Variants in PDE1C observed in about 807,000 individuals in gnomAD.
PDE1C encodes dual specificity calcium/calmodulin-dependent 3',5'-cyclic nucleotide phosphodiesterase 1C.
In PDE1C, 62 loss-of-function variants were observed where a neutral mutation model predicts 93.1. The observed-to-expected ratio is 0.67, with a 90% CI of 0.54 to 0.82. The LOEUF is 0.82. Among genes scored for constraint, PDE1C ranks in the 40% least tolerant of loss-of-function variants. The pLI, the probability that PDE1C is intolerant of heterozygous loss-of-function variation, is 0.00. For missense variants in PDE1C, 742 were observed against 884.6 expected (o/e 0.84, Z 2.04); for synonymous variants, 325 against 310.1 (o/e 1.05, Z -0.50).
chr7:32,377,846 G>A (rs576355391), intron 1 of PDE1C, among the ~76,000 whole-genome samples: 21 of 152,034 alleles, frequency 1.4e-4, no homozygotes, highest in Non-Finnish European at 7.4e-5. Flanking sequence ...CAAACCAAGC[G>A]GCCCCAGAGG....
chr7:32,356,475 A>T (rs987548646), intron 1 of PDE1C, among the ~76,000 whole-genome samples: 5 of 152,230 alleles, frequency 3.3e-5, no homozygotes, highest in Non-Finnish European at 5.9e-5. Flanking sequence ...CCCTGAGTGA[A>T]TTATAGTTGT....
intron 2 of PDE1C, among the ~76,000 whole-genome samples, chr7:32,188,345 A>G (rs1338116354): frequency 6.6e-6 from 1 of 152,008 alleles, no homozygotes; most frequent in East Asian, 1.9e-4. Context: ...TTCTTTTCCA[A>G]CTTTTCTCTC....
the PDE1C span, among the ~76,000 whole-genome samples, chr7:31,624,186 G>C: frequency 1.3e-5 from 2 of 149,124 alleles, no homozygotes; most frequent in Middle Eastern, 3.4e-3. Context: ...CGTGAAAATG[G>C]CCATACTGCC....
intron 16 of PDE1C, among the ~76,000 whole-genome samples, chr7:31,807,453 T>G (rs1562835069): frequency 6.6e-6 from 1 of 151,732 alleles, no homozygotes; most frequent in Non-Finnish European, 1.5e-5. Flanking sequence ...TGGGTATGAT[T>G]CAGTTACAAA....
chr7:31,665,604 G>A, the PDE1C span, among the ~76,000 whole-genome samples: 1 of 152,142 alleles, frequency 6.6e-6, no homozygotes, highest in Non-Finnish European at 1.5e-5. Flanking sequence ...TTTTTAGTTT[G>A]GGGAGGAAAA....
intron 1 of PDE1C, among the ~76,000 whole-genome samples, chr7:32,426,596 A>C (rs949602956): frequency 6.6e-5 from 10 of 152,164 alleles, no homozygotes; most frequent in African/African-American, 2.4e-4. Flanking sequence ...AGAAAATGTA[A>C]GTAGCCCACC....
chr7:31,683,539 C>T, the PDE1C span, among the ~76,000 whole-genome samples: 4 of 152,052 alleles, frequency 2.6e-5, no homozygotes, highest in African/African-American at 9.7e-5. Context: ...AGACACAGTG[C>T]TCACTTACCA....
chr7:31,667,380 A>T, the PDE1C span, among the ~76,000 whole-genome samples: 1 of 152,140 alleles, frequency 6.6e-6, no homozygotes, highest in Admixed American at 6.5e-5. Context: ...ATTTCAAGGA[A>T]CTTCTCCTAA....
chr7:31,773,733 C>T (rs1241741816), intron 17 of PDE1C, among the ~76,000 whole-genome samples: 2 of 152,094 alleles, frequency 1.3e-5, no homozygotes, highest in Non-Finnish European at 2.9e-5. Context: ...CTCACTCACG[C>T]ACCACGTACC....
intron 2 of PDE1C, among the ~76,000 whole-genome samples, chr7:31,995,736 G>C (rs1444273817): frequency 6.6e-6 from 1 of 152,120 alleles, no homozygotes. Flanking sequence ...ATGCTGCTGA[G>C]AGCTGACGGG....
chr7:32,378,481 AGAG>A (rs1351893973), intron 1 of PDE1C, among the ~76,000 whole-genome samples: 1 of 152,334 alleles, frequency 6.6e-6, no homozygotes, highest in East Asian at 1.9e-4. Context: ...CACCAGGCTA[AGAG>A]GAGAAGAGGA....
At chr7:32,166,497 A>G (rs1802282808) in intron 3 of PDE1C, among the ~76,000 whole-genome samples, 1 of 152,170 alleles carries the variant, frequency 6.6e-6, no homozygotes, top group South Asian at 2.1e-4. Flanking sequence ...TCCAATACAT[A>G]GAGTATGCCT....
intron 16 of PDE1C, chr7:31,789,651 A>G (rs1237184594): frequency 1.0e-6 from 1 of 977,726 alleles, no homozygotes; most frequent in Non-Finnish European, 1.2e-6. Context: ...AGAAGTGGGA[A>G]AAAAAGCATA....
intron 1 of PDE1C, among the ~76,000 whole-genome samples, chr7:32,368,322 C>A (rs1041996555): frequency 6.6e-6 from 1 of 152,000 alleles, no homozygotes; most frequent in Non-Finnish European, 1.5e-5. Context: ...CATACAAAAT[C>A]AACATACAGA....
chr7:32,050,115 T>C (rs1054295393), intron 2 of PDE1C, among the ~76,000 whole-genome samples: 2 of 152,204 alleles, frequency 1.3e-5, no homozygotes, highest in African/African-American at 4.8e-5. Context: ...GCTAATGCAT[T>C]GTACTACAAT....
the PDE1C span, among the ~76,000 whole-genome samples, chr7:31,624,412 A>T: frequency 1.0e-4 from 14 of 139,346 alleles, no homozygotes; most frequent in African/African-American, 3.7e-4. Flanking sequence ...TGGTACTGGT[A>T]CCAAAACAGA....
At chr7:32,108,505 C>A (rs1266580041) in intron 3 of PDE1C, among the ~76,000 whole-genome samples, 1 of 151,710 alleles carries the variant, frequency 6.6e-6, no homozygotes, top group East Asian at 1.9e-4. Flanking sequence ...CCATCCAGGA[C>A]ACAGTAAAAG....
chr7:31,677,607 G>GA, the PDE1C span, among the ~76,000 whole-genome samples: 5 of 151,972 alleles, frequency 3.3e-5, no homozygotes, highest in African/African-American at 4.8e-5. Flanking sequence ...ATTCATGTAA[G>GA]AAAAAAACTC....
At chr7:32,096,200 T>C (rs1026742800) in intron 3 of PDE1C, among the ~76,000 whole-genome samples, 4 of 152,152 alleles carry the variant, frequency 2.6e-5, no homozygotes, top group African/African-American at 4.8e-5. Context: ...TCTTGAAGCA[T>C]TGATGTGCTC....
Sources: gnomAD v4.1 joint callset for allele counts (sites outside exome capture counted in the v4.1 genomes callset) on GRCh38, gnomAD v4.1.1 for gene constraint, MANE v1.5 for transcripts, NCBI Gene and HGNC (gene_info 2026-07-23, HGNC 2026-07-21) for gene names.